Variants in NKAIN3 observed in about 807,000 individuals in gnomAD.
The protein encoded by NKAIN3 is sodium/potassium transporting ATPase interacting 3.
A neutral mutation model predicts 30.2 loss-of-function variants in NKAIN3; 25 were observed. The observed-to-expected ratio is 0.83, with a 90% CI of 0.60 to 1.16. The LOEUF is 1.16. Among genes scored for constraint, NKAIN3 ranks in the 50% most tolerant of loss-of-function variants. NKAIN3 has a pLI of 0.00. For synonymous variants in NKAIN3, 91 were observed against 89.6 expected, an observed-to-expected ratio of 1.02 and a Z score of -0.09; for missense variants, 225 against 254.1, an observed-to-expected ratio of 0.89 and a Z score of 0.78.
intron 4 of NKAIN3, among the ~76,000 whole-genome samples, chr8:62,759,406 C>T (rs150033893): frequency 0.022 from 3,398 of 152,108 alleles, 127 homozygotes; most frequent in African/African-American, 0.077. Context: ...AGAAATGTGC[C>T]TAAGTAAGAT....
In NKAIN3 at chr8:62,518,329, C is replaced by G. The variant is rs568733795; in HGVS notation, c.55-61210C>G. ...GAGCTAAGATTGCGCCACTGCACTC[C>G]AGGCTGAGCAAAATTCCATCTCAAA... On this transcript the variant is annotated intron_variant, in intron 1 of 6. Coordinates refer to ENST00000623646, the MANE Select transcript of NKAIN3 (RefSeq NM_001304533.3). Among the ~76,000 whole-genome samples, 367 of 152,230 alleles carry G rather than the reference C, an allele frequency of 2.4e-3. 3 individuals are homozygous for G. Among genetic ancestry groups the G allele is most frequent in the Non-Finnish European group, 4.0e-3 (275 of 68,008 alleles).
At chr8:62,764,474 AT>A (rs11400398) in intron 4 of NKAIN3, among the ~76,000 whole-genome samples, 25 of 150,942 alleles carry the variant, frequency 1.7e-4, no homozygotes, top group Middle Eastern at 3.4e-3. Flanking sequence ...ACAAATAAGT[AT>A]TTTTTTTTGA....
intron 4 of NKAIN3, among the ~76,000 whole-genome samples, chr8:62,894,087 C>T (rs1821365865): frequency 6.6e-6 from 1 of 152,140 alleles, no homozygotes; most frequent in African/African-American, 2.4e-5. Flanking sequence ...ATTTCTTCCT[C>T]CTCACTTATT....
intron 1 of NKAIN3, among the ~76,000 whole-genome samples, chr8:62,516,940 T>G (rs1808010423): frequency 6.6e-6 from 1 of 152,142 alleles, no homozygotes; most frequent in African/African-American, 2.4e-5. Flanking sequence ...TTCTACAATT[T>G]TAATAATAGC....
At chr8:62,393,352 A>G (rs1183012973) in intron 1 of NKAIN3, among the ~76,000 whole-genome samples, 1 of 151,948 alleles carries the variant, frequency 6.6e-6, no homozygotes, top group Non-Finnish European at 1.5e-5. Context: ...TTTATTGAAA[A>G]CACGATCTTC....
chr8:62,731,752 G>T (rs1175047568), intron 3 of NKAIN3, among the ~76,000 whole-genome samples: 1 of 152,144 alleles, frequency 6.6e-6, no homozygotes, highest in Non-Finnish European at 1.5e-5. Flanking sequence ...AAGATCCAGA[G>T]CCCTCCACTG....
intron 3 of NKAIN3, among the ~76,000 whole-genome samples, chr8:62,650,061 T>C (rs1198537087): frequency 1.6e-4 from 25 of 152,132 alleles, no homozygotes; most frequent in Admixed American, 1.6e-3. Flanking sequence ...CTACAGTTTC[T>C]TTCTGATGGC....
At chr8:62,322,502 G>C (rs1002922859) in intron 1 of NKAIN3, among the ~76,000 whole-genome samples, 1 of 152,112 alleles carries the variant, frequency 6.6e-6, no homozygotes, top group African/African-American at 2.4e-5. Context: ...GATTTGGGAT[G>C]TTAAACTGGT....
chr8:62,320,603 A>G (rs200366025), intron 1 of NKAIN3, among the ~76,000 whole-genome samples: 50 of 152,010 alleles, frequency 3.3e-4, no homozygotes, highest in African/African-American at 5.8e-4. Flanking sequence ...GCTTAGTTTG[A>G]CTGGATATGA....
chr8:62,445,437 A>G (rs753205117), intron 1 of NKAIN3, among the ~76,000 whole-genome samples: 3 of 152,106 alleles, frequency 2.0e-5, no homozygotes, highest in Non-Finnish European at 4.4e-5. Context: ...CTTATAAGGA[A>G]ATTGAGCCTC....
At chr8:62,847,453 T>C (rs1315306388) in intron 4 of NKAIN3, among the ~76,000 whole-genome samples, 1 of 152,218 alleles carries the variant, frequency 6.6e-6, no homozygotes, top group African/African-American at 2.4e-5. Context: ...GAGCTCTTTT[T>C]CATATGATTG....
chr8:62,859,125 C>A (rs182102453), intron 4 of NKAIN3, among the ~76,000 whole-genome samples: 1 of 152,160 alleles, frequency 6.6e-6, no homozygotes, highest in Non-Finnish European at 1.5e-5. Flanking sequence ...GTGGGAGAAG[C>A]GTGGTTTCCC....
At chr8:62,453,355 A>G (rs1215319458) in intron 1 of NKAIN3, among the ~76,000 whole-genome samples, 9 of 152,202 alleles carry the variant, frequency 5.9e-5, no homozygotes, top group Non-Finnish European at 1.0e-4. Flanking sequence ...GATACAACAT[A>G]TCAAAATATC....
At chr8:62,305,472 T>C (rs1278764166) in intron 1 of NKAIN3, among the ~76,000 whole-genome samples, 1 of 150,616 alleles carries the variant, frequency 6.6e-6, no homozygotes, top group African/African-American at 2.5e-5. Flanking sequence ...AGGATACACA[T>C]GGACCAATAT....
At chr8:62,817,239 A>G (rs1328278925) in intron 4 of NKAIN3, among the ~76,000 whole-genome samples, 3 of 152,164 alleles carry the variant, frequency 2.0e-5, no homozygotes, top group African/African-American at 7.2e-5. Flanking sequence ...TTGATGACCA[A>G]TTAAATGTGC....
At chr8:62,794,943 A>G (rs1322250496) in intron 4 of NKAIN3, among the ~76,000 whole-genome samples, 2 of 151,922 alleles carry the variant, frequency 1.3e-5, no homozygotes, top group South Asian at 2.1e-4. Flanking sequence ...CCATCCATCC[A>G]TCTATGATCT....
At chr8:62,431,902 C>T (rs1444242050) in intron 1 of NKAIN3, among the ~76,000 whole-genome samples, 4 of 124,638 alleles carry the variant, frequency 3.2e-5, no homozygotes, top group Non-Finnish European at 6.7e-5. Context: ...GAACTGTTTT[C>T]ACCCAATTAA....
intron 3 of NKAIN3, among the ~76,000 whole-genome samples, chr8:62,729,024 C>CCAAAAAATAAAAAAAAAAAAAAAAAAAAA (rs745733487): frequency 6.1e-5 from 1 of 16,450 alleles, no homozygotes; most frequent in Admixed American, 9.3e-4. Context: ...ACAAACAAAC[C>CCAAAAAATAAAAAAAAAAAAAAAAAAAAA]AAAAAAAAAA....
At chr8:62,443,512 T>A (rs1387903070) in intron 1 of NKAIN3, among the ~76,000 whole-genome samples, 1 of 151,862 alleles carries the variant, frequency 6.6e-6, no homozygotes, top group Non-Finnish European at 1.5e-5. Context: ...GCCTCCCGAG[T>A]AGCTGGGACT....
Sources: gnomAD v4.1 joint callset for allele counts (sites outside exome capture counted in the v4.1 genomes callset) on GRCh38, gnomAD v4.1.1 for gene constraint, MANE v1.5 for transcripts, NCBI Gene and HGNC (gene_info 2026-07-23, HGNC 2026-07-21) for gene names.